The following MAK variants were observed in gnomAD, a reference collection of about 807,000 sequenced individuals.
The protein encoded by MAK is male germ cell associated kinase.
In MAK, 65 loss-of-function variants were observed where a neutral mutation model predicts 82.6. That is an observed-to-expected ratio of 0.79 (90% CI 0.64 to 0.97). The LOEUF (loss-of-function observed/expected upper bound fraction) is 0.97, where lower values mean the gene tolerates loss of function less well. Among genes scored for constraint, MAK ranks in the 50% least tolerant of loss-of-function variants. MAK has a pLI of 0.00. For synonymous variants in MAK, 250 were observed against 274.2 expected, an observed-to-expected ratio of 0.91 and a Z score of 0.87; for missense variants, 703 against 780.2, an observed-to-expected ratio of 0.90 and a Z score of 1.18.
intron 2 of MAK, among the ~76,000 whole-genome samples, chr6:10,820,251 G>C (rs775217818): frequency 1.7e-4 from 26 of 152,282 alleles, no homozygotes; most frequent in Middle Eastern, 3.4e-3. Flanking sequence ...CTCCTATCGA[G>C]ATGTTCCAGA....
At chr6:10,831,523 A>AGGAG (rs1045011322) in intron 1 of MAK, among the ~76,000 whole-genome samples, 2 of 152,154 alleles carry the variant, frequency 1.3e-5, no homozygotes, top group African/African-American at 4.8e-5. Context: ...AGGCCAAGGC[A>AGGAG]GGAGGATTGT....
Position 10,763,632 on chromosome 6 carries a change from G to A in MAK, c.*820C>T, listed in dbSNP as rs1034629948. The A allele has an allele frequency of 6.6e-6, 1 of 151,658 alleles. No homozygotes were observed. The highest frequency in any genetic ancestry group is 2.4e-5 in the African/African-American group (1 of 41,256). 9.4% of individuals were successfully genotyped at this position (151,658 alleles called of 1,614,324 possible). On this transcript the variant is annotated 3_prime_UTR_variant, in exon 15 of 15. Coordinates refer to ENST00000354489, the MANE Select transcript of MAK (RefSeq NM_001242957.3). ...GGCCGAGGCAGGTGGATCACCTGAGGTCAGGAGTTTGAGACCAGCCTGAGC... is the reference window on the plus strand; with the variant it reads ...GGCCGAGGCAGGTGGATCACCTGAGATCAGGAGTTTGAGACCAGCCTGAGC...
chr6:10,797,497 C>T lies in MAK; in HGVS notation c.832-1188G>A, dbSNP rs1002070693. On this transcript the variant is annotated intron_variant, in intron 8 of 14. Coordinates refer to ENST00000354489, the MANE Select transcript of MAK (RefSeq NM_001242957.3). ...CCATAATGCACACAATAGCACCCCA[C>T]AGCAAAGAGTTATCTGGTTCACAAC... is the stretch of plus-strand genomic sequence containing the variant. 6 of 708,882 alleles carry T rather than the reference C, an allele frequency of 8.5e-6. No individual in the cohort carries two copies. In the African/African-American group the frequency reaches 9.7e-5, roughly 11 times the overall value. 43.9% of individuals were successfully genotyped at this position (708,882 alleles called of 1,614,324 possible).
chr6:10,772,939 G>A lies in MAK; in HGVS notation c.1672+95C>T, dbSNP rs907838497. On this transcript the variant is annotated intron_variant, in intron 13 of 14. Transcript: ENST00000354489. Reference sequence around the variant, plus strand: ...CTGACTTCTCAAAGCGGATCATCTCGGCCTTTTATGTCAGGATTAGGGGCA... The same window carrying A: ...CTGACTTCTCAAAGCGGATCATCTCAGCCTTTTATGTCAGGATTAGGGGCA... 46 of 780,906 alleles carry A rather than the reference G, an allele frequency of 5.9e-5. 1 individual carries two copies. The highest frequency in any genetic ancestry group is 1.0e-4 in the Admixed American group (5 of 48,338). 48.4% of individuals were successfully genotyped at this position (780,906 alleles called of 1,614,324 possible). A position where few individuals can be genotyped will look rare whatever the true frequency, so the allele number is the denominator to read the frequency against.
Position 10,775,338 on chromosome 6 carries a change from C to G in MAK, c.1587G>C (p.Arg529Ser). The G allele has an allele frequency of 6.2e-7, 1 of 1,613,556 alleles. No individual in the cohort carries two copies. ...GPVGAELAFKRSNAEESIIKP... is the reference protein window; with the variant it reads ...GPVGAELAFKSSNAEESIIKP... ...GTATTCTTGCGTTACCTGCATTGCT[C>G]CTTTTGAAAGCAAGTTCTGCCCCAA... is the stretch of plus-strand genomic sequence containing the variant. The change falls in exon 12 of 15, where the codon AGG (arginine) becomes AGC (serine). Residue 529 changes from arginine (R) to serine (S), a missense_variant. Coordinates refer to ENST00000354489, the MANE Select transcript of MAK (RefSeq NM_001242957.3).
intron 2 of MAK, among the ~76,000 whole-genome samples, chr6:10,825,350 G>A (rs1778284221): frequency 6.6e-6 from 1 of 151,742 alleles, no homozygotes; most frequent in South Asian, 2.1e-4. Context: ...CTTTCCCTTG[G>A]TTTCAGATAT....
chr6:10,772,102 G>T (rs1320951800), intron 13 of MAK, among the ~76,000 whole-genome samples: 1 of 152,118 alleles, frequency 6.6e-6, no homozygotes, highest in Non-Finnish European at 1.5e-5. Flanking sequence ...TGACAAAATG[G>T]GATATATCAG....
intron 2 of MAK, among the ~76,000 whole-genome samples, chr6:10,819,635 A>G (rs1298817939): frequency 6.6e-6 from 1 of 152,008 alleles, no homozygotes; most frequent in African/African-American, 2.4e-5. Flanking sequence ...GGCTTTCTTG[A>G]ATTTTGTTCT....
At position 10,770,200 on chromosome 6, in the gene MAK, T is replaced by C. The variant is rs1772875487; in HGVS notation, c.1703A>G (p.Gln568Arg). The C allele has an allele frequency of 6.2e-7, 1 of 1,614,092 alleles. No homozygotes were observed. The highest frequency in any genetic ancestry group is 8.5e-7 in the Non-Finnish European group (1 of 1,179,940). The change falls in exon 14 of 15, where the codon CAG becomes CGG. Residue 568 changes from glutamine (Q) to arginine (R), a missense_variant. Physicochemically the swap from Gln to Arg is conservative, Grantham distance 43. Transcript: ENST00000354489. ...GAGAAAGGAAGGAATATATCCTGACTGATTGTAAGTAGCATAACTTCCAAG... is the reference window on the plus strand; with the variant it reads ...GAGAAAGGAAGGAATATATCCTGACCGATTGTAAGTAGCATAACTTCCAAG... ...GNLGSYATYN[Q>R]SGYIPSFLKK...
At chr6:10,779,393 C>T (rs1773756449) in intron 11 of MAK, 2 of 985,324 alleles carry the variant, frequency 2.0e-6, no homozygotes, top group African/African-American at 1.7e-5. Flanking sequence ...TCCAAGTACA[C>T]AGCCGGTTAG....
intron 14 of MAK, among the ~76,000 whole-genome samples, chr6:10,769,857 T>G (rs1007692895): frequency 6.6e-6 from 1 of 152,204 alleles, no homozygotes; most frequent in African/African-American, 2.4e-5. Context: ...AATGATATAA[T>G]TCCAGTAAGC....
chr6:10,768,531 A>T (rs1263771263), intron 14 of MAK, among the ~76,000 whole-genome samples: 1 of 152,178 alleles, frequency 6.6e-6, no homozygotes, highest in Non-Finnish European at 1.5e-5. Context: ...CAGTGAGCTG[A>T]GATCACACCA....
At chr6:10,818,862 T>C (rs751205244) in intron 3 of MAK, 24 bp downstream of exon 3, 1 of 1,429,866 alleles carries the variant, frequency 7.0e-7, no homozygotes, top group Admixed American at 1.7e-5. Flanking sequence ...CCTTCTCAGG[T>C]TCTTTTCATC....
chr6:10,827,026 G>A (rs558140540), intron 2 of MAK, among the ~76,000 whole-genome samples: 9 of 152,250 alleles, frequency 5.9e-5, no homozygotes, highest in African/African-American at 9.6e-5. Context: ...CAGAAGAATC[G>A]CTTGAACCCA....
intron 5 of MAK, 39 bp from the exon 6 acceptor site, chr6:10,808,981 T>C (rs764490739): frequency 1.9e-6 from 3 of 1,552,164 alleles, no homozygotes; most frequent in Non-Finnish European, 2.7e-6. Flanking sequence ...CAGTAAATCA[T>C]TACGTTTAAA....
intron 11 of MAK, chr6:10,780,287 A>C: frequency 1.0e-6 from 1 of 979,254 alleles, no homozygotes; most frequent in Middle Eastern, 5.3e-4. Context: ...GAAATGATCA[A>C]ACAGGTCTCA....
chr6:10,764,206 G>T lies in MAK; in HGVS notation c.*246C>A. 1 of 453,176 alleles carries T rather than the reference G, an allele frequency of 2.2e-6. No individual in the cohort carries two copies. The highest frequency in any genetic ancestry group is 3.9e-6 in the Non-Finnish European group (1 of 255,176). 28.1% of individuals were successfully genotyped at this position (453,176 alleles called of 1,614,324 possible). A position where few individuals can be genotyped will look rare whatever the true frequency, so the allele number is the denominator to read the frequency against. On this transcript the variant is annotated 3_prime_UTR_variant, in exon 15 of 15. Transcript: ENST00000354489. ...TTGTAGATCAAATACTTCATACTTT[G>T]GCAAATAGTTTATTCAATACTTTGT...
In MAK at chr6:10,812,977, C is replaced by G. The variant is rs531777958; in HGVS notation, c.358+667G>C. On this transcript the variant is annotated intron_variant, in intron 5 of 14. Coordinates refer to ENST00000354489, the MANE Select transcript of MAK (RefSeq NM_001242957.3). ...ATGGGGTTTCACCATGTTGGCCAGG[C>G]TGGTCTCGAACTCCTGACCTAAGGT... is the stretch of plus-strand genomic sequence containing the variant. Among the ~76,000 whole-genome samples the G allele has an allele frequency of 1.2e-4, 18 of 145,466 alleles. No individual in the cohort carries two copies. In the South Asian group the frequency reaches 3.1e-3, roughly 25 times the overall value.
intron 12 of MAK, 98 bp downstream of exon 12, chr6:10,775,230 G>T: frequency 7.2e-7 from 1 of 1,396,638 alleles, no homozygotes; most frequent in Non-Finnish European, 1.0e-6. Flanking sequence ...TCTCCCAAGT[G>T]CACATGTATC....
Sources: allele counts gnomAD v4.1 joint callset (sites outside exome capture counted in the v4.1 genomes callset), GRCh38; gene constraint gnomAD v4.1.1; transcripts MANE v1.5; gene names NCBI Gene and HGNC (gene_info 2026-07-23, HGNC 2026-07-21).